The following MBP variants were observed in gnomAD, a reference collection of about 807,000 sequenced individuals.
MBP encodes myelin basic protein.
A neutral mutation model predicts 35.8 loss-of-function variants in MBP; 16 were observed. That is an observed-to-expected ratio of 0.45 (90% CI 0.30 to 0.68). MBP has a LOEUF of 0.68. Ranked by LOEUF, MBP falls within the 30% of genes least tolerant of loss-of-function variation. The pLI is 0.08. For synonymous variants in MBP, 143 were observed against 159.6 expected, an observed-to-expected ratio of 0.90 and a Z score of 0.78; for missense variants, 380 against 404.7, an observed-to-expected ratio of 0.94 and a Z score of 0.52.
rs1407115751 is a variant in MBP, at chr18:77,131,083, G to GCA, written c.-26+1496_-26+1497insTG. Among the ~76,000 whole-genome samples the GCA allele has an allele frequency of 4.8e-4, 21 of 43,694 alleles. No individual in the cohort carries two copies. Among genetic ancestry groups the GCA allele is most frequent in the African/African-American group, 1.1e-3 (18 of 16,184 alleles). The allele number at this position is 43,694 out of a possible 152,430, so 28.7% of individuals were successfully genotyped here. ...AAAACACACACACGCGCGCACGCAC[G>GCA]CGCACACACACACACACACACACAC... On this transcript the variant is annotated intron_variant, in intron 1 of 8. Transcript: ENST00000355994. The surrounding 1 kb of genome is among the most constrained non-coding windows in gnomAD (Gnocchi z 5.5).
Position 76,980,391 on chromosome 18 carries a change from G to A in MBP, c.*36C>T, listed in dbSNP as rs1599445177. 1.9e-6 allele frequency: 3 copies of A among 1,596,974 alleles called. No homozygotes were observed. The East Asian group carries it at 6.7e-5, about 36-fold the overall frequency. ...TAAAGTTTTAAGGCAGTTATATTAAGAAGCTGAGGACAGGATTCCGGAACC... is the reference window on the plus strand; with the variant it reads ...TAAAGTTTTAAGGCAGTTATATTAAAAAGCTGAGGACAGGATTCCGGAACC... On this transcript the variant is annotated 3_prime_UTR_variant, in exon 9 of 9. Transcript: ENST00000355994.
At chr18:77,043,266 C>T (rs1973089063) in intron 3 of MBP, among the ~76,000 whole-genome samples, 1 of 152,034 alleles carries the variant, frequency 6.6e-6, no homozygotes, top group Non-Finnish European at 1.5e-5. Context: ...TTTGCGTGAA[C>T]CTTGAATAAG....
rs192003236 is a variant in MBP, at chr18:77,055,925, G to T, written c.139+10373C>A. Among the ~76,000 whole-genome samples, 7 of 152,268 alleles carry T rather than the reference G, an allele frequency of 4.6e-5. No homozygotes were observed. The East Asian group carries it at 1.2e-3, about 25-fold the overall frequency. On this transcript the variant is annotated intron_variant, in intron 3 of 8. Coordinates refer to ENST00000355994, the MANE Select transcript of MBP (RefSeq NM_001025101.2). ...TAATTAAGGTTTTAGAGCAGCTGTT[G>T]GAATTTTTAGAAAGGAAAAAAAGAA...
At chr18:76,997,383 G>T (rs905858453) in intron 4 of MBP, among the ~76,000 whole-genome samples, 3 of 152,220 alleles carry the variant, frequency 2.0e-5, no homozygotes, top group African/African-American at 7.2e-5. Context: ...TGGGGCCCTG[G>T]GGCTTCTGGT....
intron 4 of MBP, among the ~76,000 whole-genome samples, chr18:77,011,499 T>C (rs980164016): frequency 5.3e-5 from 8 of 151,230 alleles, no homozygotes; most frequent in African/African-American, 1.9e-4. Context: ...CTCTACTGAC[T>C]CCCTGTCTAC....
intron 8 of MBP, 196 bp from the exon 9 acceptor site, chr18:76,980,667 C>A: frequency 1.7e-6 from 1 of 582,876 alleles, no homozygotes; most frequent in South Asian, 2.0e-5. Flanking sequence ...AATTGAATTT[C>A]CAGTTCTGTG....
intron 8 of MBP, chr18:76,984,319 G>C (rs1327163672): frequency 5.8e-6 from 1 of 171,702 alleles, no homozygotes; most frequent in African/African-American, 2.4e-5. Flanking sequence ...CCTGGGTCTG[G>C]TTCCAGGTCC....
At chr18:76,985,070 G>T in intron 7 of MBP, 176 bp from the exon 8 acceptor site, 1 of 1,485,954 alleles carries the variant, frequency 6.7e-7, no homozygotes, top group Non-Finnish European at 9.1e-7. Context: ...GGGAGAGGCT[G>T]CTCCCCCAGG....
At chr18:77,085,971 C>T (rs527469460) in intron 2 of MBP, among the ~76,000 whole-genome samples, 10 of 152,148 alleles carry the variant, frequency 6.6e-5, no homozygotes, top group Non-Finnish European at 1.3e-4. Context: ...TGTGAACCAC[C>T]GCGCCCGGCC....
intron 2 of MBP, among the ~76,000 whole-genome samples, chr18:77,069,357 T>C (rs1279594572): frequency 6.6e-6 from 1 of 152,234 alleles, no homozygotes; most frequent in Admixed American, 6.5e-5. Flanking sequence ...TCATGTCATA[T>C]TTTTTTACAT....
At chr18:77,057,030 C>G (rs951275374) in intron 3 of MBP, among the ~76,000 whole-genome samples, 1 of 150,250 alleles carries the variant, frequency 6.7e-6, no homozygotes, top group East Asian at 1.9e-4. Context: ...TCCTCTGAGA[C>G]GGGAAGGAGG....
chr18:77,012,587 T>A lies in MBP; in HGVS notation c.576+4245A>T, dbSNP rs1166289380. 2.6e-5 allele frequency among the ~76,000 whole-genome samples: 4 copies of A among 152,086 alleles called. 1 individual carries two copies. The highest frequency in any genetic ancestry group is 4.2e-4 in the South Asian group (2 of 4,808). On this transcript the variant is annotated intron_variant, in intron 4 of 8. Coordinates refer to ENST00000355994, the MANE Select transcript of MBP (RefSeq NM_001025101.2). ...GCACAGGTCAGGTGAGAGAAGACAG[T>A]AAAATGTCTCTGTGTAGTAAAAGCA...
At chr18:76,991,190 G>A (rs749802628) in intron 4 of MBP, among the ~76,000 whole-genome samples, 1 of 148,702 alleles carries the variant, frequency 6.7e-6, no homozygotes, top group Non-Finnish European at 1.5e-5. Flanking sequence ...GGCTGATTTG[G>A]GAATATCACT....
At chr18:77,091,021 C>A (rs932469761) in intron 2 of MBP, among the ~76,000 whole-genome samples, 6 of 152,226 alleles carry the variant, frequency 3.9e-5, no homozygotes, top group African/African-American at 1.4e-4. Context: ...CTGGGCTGTG[C>A]TCACAGGACA....
chr18:77,007,695 T>C (rs1428836696), intron 4 of MBP, among the ~76,000 whole-genome samples: 1 of 152,134 alleles, frequency 6.6e-6, no homozygotes, highest in Non-Finnish European at 1.5e-5. Context: ...TGGACCAGAA[T>C]GGGGTGTCCA....
chr18:77,086,809 C>T (rs929114018), intron 2 of MBP, among the ~76,000 whole-genome samples: 5 of 152,168 alleles, frequency 3.3e-5, no homozygotes, highest in Admixed American at 1.3e-4. Context: ...CTAAACAGAA[C>T]ATCTAAATAT....
chr18:77,013,159 CAG>C, intron 4 of MBP: 1 of 985,446 alleles, frequency 1.0e-6, no homozygotes, highest in Non-Finnish European at 1.2e-6. Context: ...TGTTTGGGTG[CAG>C]AAACAAATGC....
intron 1 of MBP, among the ~76,000 whole-genome samples, chr18:77,121,825 G>A (rs1976892558): frequency 6.6e-6 from 1 of 152,168 alleles, no homozygotes; most frequent in African/African-American, 2.4e-5. Flanking sequence ...CTCTCAAGCT[G>A]TCCCAAGGTT....
chr18:76,985,147 T>C (rs1463201923), intron 7 of MBP: 51 of 1,531,576 alleles, frequency 3.3e-5, no homozygotes, highest in Non-Finnish European at 4.4e-5. Context: ...TCATGAGATA[T>C]GCGGCCCAAC....
Sources: gnomAD v4.1 joint callset for allele counts (sites outside exome capture counted in the v4.1 genomes callset) on GRCh38, gnomAD v4.1.1 for gene constraint, Gnocchi (gnomAD v3.1) non-coding constraint, MANE v1.5 for transcripts, NCBI Gene and HGNC (gene_info 2026-07-23, HGNC 2026-07-21) for gene names.